Variants in PTPRE observed in about 807,000 individuals in gnomAD.
PTPRE encodes protein tyrosine phosphatase receptor type E.
A neutral mutation model predicts 102.0 loss-of-function variants in PTPRE; 51 were observed. That is an observed-to-expected ratio of 0.50 (90% CI 0.40 to 0.63). The LOEUF is 0.63. Among genes scored for constraint, PTPRE ranks in the 30% least tolerant of loss-of-function variants. The probability of loss-of-function intolerance (pLI) is 0.00; values close to 1 mark genes in which losing one functional copy is unlikely to be tolerated. For synonymous variants in PTPRE, 345 were observed against 348.2 expected, an observed-to-expected ratio of 0.99 and a Z score of 0.10; for missense variants, 752 against 915.1, an observed-to-expected ratio of 0.82 and a Z score of 2.30.
At chr10:127,961,808 A>G (rs1424421564) in intron 1 of PTPRE, among the ~76,000 whole-genome samples, 1 of 152,076 alleles carries the variant, frequency 6.6e-6, no homozygotes. Context: ...AGCACTGAGA[A>G]CCCAGGCTGT....
At position 127,944,624 on chromosome 10, in the gene PTPRE, A is replaced by G. The variant is rs900909934; in HGVS notation, c.-31+37315A>G. Among the ~76,000 whole-genome samples the G allele has an allele frequency of 4.6e-5, 7 of 152,276 alleles. No individual in the cohort carries two copies. In the East Asian group the frequency reaches 1.4e-3, roughly 29 times the overall value. ...AAAGTAGGCAGAAACTGGATCATGAAGGCCCTATAAGGATTTTGCACATAA... is the reference window on the plus strand; with the variant it reads ...AAAGTAGGCAGAAACTGGATCATGAGGGCCCTATAAGGATTTTGCACATAA... On this transcript the variant is annotated intron_variant, in intron 1 of 20. Coordinates refer to ENST00000254667, the MANE Select transcript of PTPRE (RefSeq NM_006504.6). The surrounding 1 kb of genome is among the most constrained non-coding windows in gnomAD (Gnocchi z 4.2).
intron 1 of PTPRE, among the ~76,000 whole-genome samples, chr10:127,933,509 T>C (rs1342639362): frequency 6.6e-6 from 1 of 152,206 alleles, no homozygotes; most frequent in Non-Finnish European, 1.5e-5. Context: ...AATGAGGAAC[T>C]GTTTACACCA....
chr10:128,082,993 A>T lies in PTPRE; in HGVS notation c.*87A>T. 1 of 1,265,558 alleles carries T rather than the reference A, an allele frequency of 7.9e-7. No homozygotes were observed. The highest frequency in any genetic ancestry group is 1.0e-6 in the Non-Finnish European group (1 of 958,310). 78.4% of individuals were successfully genotyped at this position (1,265,558 alleles called of 1,614,324 possible). A position where few individuals can be genotyped will look rare whatever the true frequency, so the allele number is the denominator to read the frequency against. The stretch of plus-strand genomic sequence containing the variant: ...AATTTATTTCATAGTTGACATTAAT[A>T]TCTTCCCTAATTTCTTTGTATATAT... On this transcript the variant is annotated 3_prime_UTR_variant, in exon 21 of 21. Coordinates refer to ENST00000254667, the MANE Select transcript of PTPRE (RefSeq NM_006504.6).
At chr10:128,077,869 G>T (rs970647453) in intron 19 of PTPRE, 86 bp downstream of exon 19, 12 of 1,447,952 alleles carry the variant, frequency 8.3e-6, no homozygotes, top group Non-Finnish European at 1.0e-5. Context: ...GCAGAGCCTG[G>T]TCGCTGCCCC....
chr10:127,968,174 G>A (rs1850409247), intron 1 of PTPRE, among the ~76,000 whole-genome samples: 1 of 152,286 alleles, frequency 6.6e-6, no homozygotes, highest in East Asian at 1.9e-4. Flanking sequence ...ATTTAAATGT[G>A]GCATATCTAT....
At chr10:127,972,876 T>C (rs982113447) in intron 1 of PTPRE, among the ~76,000 whole-genome samples, 28 of 152,356 alleles carry the variant, frequency 1.8e-4, no homozygotes, top group African/African-American at 5.3e-4. Flanking sequence ...CACCGGCCTT[T>C]AATGTCTCCA....
At position 127,957,139 on chromosome 10, in the gene PTPRE, A is replaced by T. The variant is rs79332154; in HGVS notation, c.-30-25135A>T. ...CATGTTTTTGGTATTGTATCTAAAAAGTCATCCCCTTATCCAAGGTCATCT... is the reference window on the plus strand; with the variant it reads ...CATGTTTTTGGTATTGTATCTAAAATGTCATCCCCTTATCCAAGGTCATCT... On this transcript the variant is annotated intron_variant, in intron 1 of 20. Transcript: ENST00000254667. Among the ~76,000 whole-genome samples, 496 of 152,320 alleles carry T rather than the reference A, an allele frequency of 3.3e-3. 1 individual carries two copies. The highest frequency in any genetic ancestry group is 5.2e-3 in the Non-Finnish European group (356 of 68,022).
chr10:127,967,055 G>A (rs568649879), intron 1 of PTPRE, among the ~76,000 whole-genome samples: 1 of 152,192 alleles, frequency 6.6e-6, no homozygotes, highest in Non-Finnish European at 1.5e-5. Flanking sequence ...CAGGCCAACC[G>A]TCCTGCTCTC....
rs572776079 is a variant in PTPRE, at chr10:128,067,441, CACATGCACACACATGCAT to C, written c.844-676_844-659del. On this transcript the variant is annotated intron_variant, in intron 11 of 20. Coordinates refer to ENST00000254667, the MANE Select transcript of PTPRE (RefSeq NM_006504.6). ...GCACACGTGTACGCACCCACATTCACACATGCACACACATGCATACATGTGCACACATTCACACGTGCG... is the reference window on the plus strand; with the variant it reads ...GCACACGTGTACGCACCCACATTCACACATGTGCACACATTCACACGTGCG... Among the ~76,000 whole-genome samples, 463 of 152,200 alleles carry C rather than the reference CACATGCACACACATGCAT, an allele frequency of 3.0e-3. 3 individuals carry two copies. Among genetic ancestry groups the C allele is most frequent in the African/African-American group, 0.01 (431 of 41,518 alleles).
intron 20 of PTPRE, among the ~76,000 whole-genome samples, chr10:128,080,621 G>A (rs1052028355): frequency 2.0e-5 from 3 of 152,104 alleles, no homozygotes; most frequent in African/African-American, 4.8e-5. Flanking sequence ...TTCTATCTTC[G>A]AGAGCATCTG....
intron 2 of PTPRE, among the ~76,000 whole-genome samples, chr10:128,017,929 G>A (rs1845568219): frequency 6.6e-6 from 1 of 152,176 alleles, no homozygotes; most frequent in African/African-American, 2.4e-5. Context: ...ACTCCACTCG[G>A]GCATCCTGCA....
chr10:128,025,307 A>C (rs1397980940), intron 2 of PTPRE, among the ~76,000 whole-genome samples: 1 of 152,186 alleles, frequency 6.6e-6, no homozygotes, highest in Non-Finnish European at 1.5e-5. Flanking sequence ...GAATGGGGTC[A>C]GTGCTGTAAC....
Position 128,068,134 on chromosome 10 carries a change from C to A in PTPRE, c.855C>A (p.Asp285Glu), listed in dbSNP as rs201293516. The A allele has an allele frequency of 6.2e-7, 1 of 1,612,548 alleles. No homozygotes were observed. The highest frequency in any genetic ancestry group is 2.2e-5 in the East Asian group (1 of 44,836). ...CGCGTCCCCCGCAGCAGCTCCCCGACGGCTGCAAAGCCCCCAGGCTGGTCT... is the reference window on the plus strand; with the variant it reads ...CGCGTCCCCCGCAGCAGCTCCCCGAAGGCTGCAAAGCCCCCAGGCTGGTCT... ...RKFCIQPQLP[D>E]GCKAPRLVSQ... The change falls in exon 12 of 21, where the codon GAC becomes GAA. Residue 285 changes from aspartate (D) to glutamate (E), a missense_variant. Physicochemically the swap from Asp to Glu is conservative, Grantham distance 45 (BLOSUM62 2). This residue lies in a region of PTPRE where 636 missense variants were observed against 824.4 expected (regional missense o/e 0.77). Transcript: ENST00000254667.
chr10:128,062,570 T>C (rs954667906), intron 9 of PTPRE, among the ~76,000 whole-genome samples: 1 of 152,154 alleles, frequency 6.6e-6, no homozygotes, highest in Non-Finnish European at 1.5e-5. Context: ...GACTGCAAAA[T>C]AGCCGCAGCT....
chr10:128,010,827 G>T (rs2135610733), intron 2 of PTPRE, among the ~76,000 whole-genome samples: 1 of 152,136 alleles, frequency 6.6e-6, no homozygotes, highest in East Asian at 1.9e-4. Context: ...TCCTGACTTC[G>T]TGATCCACCT....
chr10:128,041,999 G>A (rs774435656), intron 3 of PTPRE, among the ~76,000 whole-genome samples: 8 of 152,268 alleles, frequency 5.3e-5, no homozygotes, highest in East Asian at 1.9e-4. Context: ...AGTTCTGAGC[G>A]CCCACCTGTC....
chr10:128,047,134 C>T (rs1478154639), intron 3 of PTPRE, among the ~76,000 whole-genome samples: 1 of 152,232 alleles, frequency 6.6e-6, no homozygotes, highest in East Asian at 1.9e-4. Context: ...GGGGAACTCA[C>T]CCCTGTCATG....
intron 1 of PTPRE, among the ~76,000 whole-genome samples, chr10:127,939,523 G>A (rs1848067057): frequency 6.6e-6 from 1 of 152,180 alleles, no homozygotes; most frequent in Non-Finnish European, 1.5e-5. Flanking sequence ...AATCTGAAGG[G>A]CCAGTTTGGT....
At chr10:127,990,936 TCAAA>T (rs1589929032) in intron 2 of PTPRE, among the ~76,000 whole-genome samples, 2 of 152,340 alleles carry the variant, frequency 1.3e-5, no homozygotes, top group East Asian at 1.9e-4. Context: ...ATTTTAAAAC[TCAAA>T]CAGAAATGTT....
Sources: allele counts gnomAD v4.1 joint callset (sites outside exome capture counted in the v4.1 genomes callset), GRCh38; gene constraint gnomAD v4.1.1; regional missense constraint gnomAD v4.1.1; non-coding constraint Gnocchi (gnomAD v3.1); transcripts MANE v1.5; gene names NCBI Gene and HGNC (gene_info 2026-07-23, HGNC 2026-07-21).